FSCN2: variants seen among roughly 807,000 people sequenced by gnomAD.
FSCN2 encodes fascin actin-bundling protein 2, retinal, also known as fascin-2.
In FSCN2, 46 loss-of-function variants were observed where a neutral mutation model predicts 37.8. The ratio of observed to expected loss-of-function variants is 1.22; its 90% confidence interval spans 0.96 to 1.56. FSCN2 has a LOEUF of 1.56. Among genes scored for constraint, FSCN2 ranks in the 40% most tolerant of loss-of-function variants. The pLI, the probability that FSCN2 is intolerant of heterozygous loss-of-function variation, is 0.00. For missense variants in FSCN2, 844 were observed against 730.4 expected, an observed-to-expected ratio of 1.16 and a Z score of -1.79; for synonymous variants, 351 against 309.4, an observed-to-expected ratio of 1.13 and a Z score of -1.41.
chr17:81,537,105 C>T lies in FSCN2; in HGVS notation c.*25C>T, dbSNP rs1442636432. On this transcript the variant is annotated 3_prime_UTR_variant, in exon 5 of 5. Coordinates refer to ENST00000417245, the MANE Select transcript of FSCN2 (RefSeq NM_012418.4). ...AGGCCGCGCCCAGACCAGCCTGTCG[C>T]GCATTAAAACCGTGTCTCTCCCGCA... 37 of 1,384,226 alleles carry T rather than the reference C, an allele frequency of 2.7e-5. No homozygotes were observed. The highest frequency in any genetic ancestry group is 3.7e-5 in the Admixed American group (1 of 27,252). The allele number at this position is 1,384,226 out of a possible 1,614,324, so 85.7% of individuals were successfully genotyped here.
chr17:81,532,161 A>ATGGTGATGGTGG (rs1310608016), intron 1 of FSCN2, among the ~76,000 whole-genome samples: 22 of 72,118 alleles, frequency 3.1e-4, no homozygotes, highest in African/African-American at 1.3e-3. Flanking sequence ...GGTGATGATG[A>ATGGTGATGGTGG]TGGTGATGGT....
chr17:81,517,755 C>A, the FSCN2 span, among the ~76,000 whole-genome samples: 1 of 126,786 alleles, frequency 7.9e-6, no homozygotes, highest in East Asian at 2.8e-4. Flanking sequence ...CCAGGAGCTC[C>A]GGCCGCCCCC....
chr17:81,528,201 C>G (rs536158652), upstream of FSCN2, among the ~76,000 whole-genome samples: 4 of 152,292 alleles, frequency 2.6e-5, no homozygotes, highest in East Asian at 7.7e-4. Flanking sequence ...CCTCCAGCCC[C>G]GTAGGCCCTC....
At chr17:81,523,102 C>G in the FSCN2 span, among the ~76,000 whole-genome samples, 1 of 152,238 alleles carries the variant, frequency 6.6e-6, no homozygotes, top group Non-Finnish European at 1.5e-5. Flanking sequence ...TATGATTTCA[C>G]AGAAGACAAA....
chr17:81,523,985 C>T, upstream of FSCN2: 1 of 152,322 alleles, frequency 6.6e-6, no homozygotes, highest in Non-Finnish European at 1.5e-5. Context: ...CTCAAGCATC[C>T]AGGATCAGTG....
the FSCN2 span, among the ~76,000 whole-genome samples, chr17:81,520,085 G>A: frequency 5.3e-4 from 80 of 152,336 alleles, no homozygotes; most frequent in Admixed American, 1.2e-3. Flanking sequence ...GGGCCAGGCC[G>A]TGGCAGGGGC....
chr17:81,515,532 G>A, the FSCN2 span, among the ~76,000 whole-genome samples: 1 of 152,228 alleles, frequency 6.6e-6, no homozygotes, highest in Admixed American at 6.5e-5. Flanking sequence ...TCTTATTTTA[G>A]TTTCGGCCCA....
rs782453610 is a variant in FSCN2 at position 81,529,116 on chromosome 17, C to T, written c.585C>T (p.Arg195=). Residue 195 remains arginine (R), a synonymous_variant, in exon 1 of 5, where the codon CGC becomes CGT. Coordinates refer to ENST00000417245, the MANE Select transcript of FSCN2 (RefSeq NM_012418.4). ...AGTCCTGTGACAGCCGCTACCTGCGCAGCGACGGCCGTCTGGTCTGGGAGC... is the reference window on the plus strand; with the variant it reads ...AGTCCTGTGACAGCCGCTACCTGCGTAGCGACGGCCGTCTGGTCTGGGAGC... ...CLKSCDSRYL[R]SDGRLVWEPE... The T allele has an allele frequency of 3.0e-5, 48 of 1,583,190 alleles. No homozygotes were observed. The Middle Eastern group carries it at 5.0e-4, about 16-fold the overall frequency.
chr17:81,528,588 CACTG>C lies in FSCN2; in HGVS notation c.60_63del (p.Asp21AlafsTer3). On this transcript the variant is annotated frameshift_variant, in exon 1 of 5. Transcript: ENST00000417245. LOFTEE classifies it high-confidence loss of function. Reference sequence around the variant, plus strand: ...AGATCCAGTTTGGCCTCGTCAACGACACTGACCGCTACCTGACAGCTGAGAGCTT... The same window carrying C: ...AGATCCAGTTTGGCCTCGTCAACGACACCGCTACCTGACAGCTGAGAGCTT... The C allele has an allele frequency of 3.1e-6, 5 of 1,609,196 alleles. No individual in the cohort carries two copies. Among genetic ancestry groups the C allele is most frequent in the Non-Finnish European group, 2.5e-6 (3 of 1,178,194 alleles).
chr17:81,530,652 G>C (rs1555671123), intron 1 of FSCN2: 2 of 507,514 alleles, frequency 3.9e-6, no homozygotes, highest in African/African-American at 3.9e-5. Flanking sequence ...TGCCCACCAA[G>C]CCCCCACCCT....
intron 2 of FSCN2, among the ~76,000 whole-genome samples, 178 bp downstream of exon 2, chr17:81,535,386 C>G (rs1388172507): frequency 7.2e-6 from 1 of 138,354 alleles, no homozygotes. Context: ...CATCGCCATC[C>G]CCATCCCCAT....
chr17:81,529,246 A>G lies in FSCN2; in HGVS notation c.715A>G (p.Lys239Glu), dbSNP rs1598570231. Residue 239 changes from lysine to glutamate, a missense_variant, in exon 1 of 5, where the codon AAG becomes GAG. Coordinates refer to ENST00000417245, the MANE Select transcript of FSCN2 (RefSeq NM_012418.4). ...ACCCGTGGGGCCCGCAGGCACCCTC[A>G]AGGCCGGCCGAAACACGCGACCTGG... ...LAPVGPAGTL[K>E]AGRNTRPGKD... The G allele has an allele frequency of 6.3e-7, 1 of 1,597,714 alleles. No homozygotes were observed. Among genetic ancestry groups the G allele is most frequent in the Non-Finnish European group, 8.5e-7 (1 of 1,170,416 alleles).
rs1338326712 is a variant in FSCN2, at chr17:81,528,627, G to A, written c.96G>A (p.Lys32=). ...RYLTAESFGF[K]VNASAPSLKR... Reference sequence around the variant, plus strand: ...TGACAGCTGAGAGCTTCGGCTTCAAGGTCAATGCCTCGGCACCCAGCCTCA... The same window carrying A: ...TGACAGCTGAGAGCTTCGGCTTCAAAGTCAATGCCTCGGCACCCAGCCTCA... Residue 32 remains lysine (K), a synonymous_variant, in exon 1 of 5, where the codon AAG becomes AAA. Coordinates refer to ENST00000417245, the MANE Select transcript of FSCN2 (RefSeq NM_012418.4). 3.7e-6 allele frequency: 6 copies of A among 1,606,446 alleles called. No homozygotes were observed. The highest frequency in any genetic ancestry group is 5.1e-6 in the Non-Finnish European group (6 of 1,177,058).
intron 1 of FSCN2, among the ~76,000 whole-genome samples, chr17:81,531,654 G>GTGATGA (rs1568077844): frequency 1.5e-4 from 18 of 123,668 alleles, no homozygotes; most frequent in African/African-American, 5.5e-4. Context: ...GGTGATGATA[G>GTGATGA]TGATGGTGAT....
chr17:81,530,150 G>T, intron 1 of FSCN2: 1 of 290,804 alleles, frequency 3.4e-6, no homozygotes, highest in African/African-American at 2.3e-5. Flanking sequence ...AGGAGCCCAG[G>T]GTAGGGCAGG....
At chr17:81,531,327 G>GTGA (rs1568077151) in intron 1 of FSCN2, among the ~76,000 whole-genome samples, 21 of 103,872 alleles carry the variant, frequency 2.0e-4, no homozygotes, top group East Asian at 1.1e-3. Context: ...GATGATGGTG[G>GTGA]TGGTGGTGAT....
Position 81,536,780 on chromosome 17 carries a change from C to A in FSCN2, c.1264C>A (p.Arg422=), listed in dbSNP as rs527747924. The change falls in exon 4 of 5, where the codon CGG becomes AGG. Residue 422 remains arginine (R), a synonymous_variant. Transcript: ENST00000417245. The part of the protein sequence containing the change: ...FHLSFSDGAY[R]IRGRDGGFWY... ...CCTGAGCTTCAGCGACGGCGCCTAC[C>A]GGATCCGAGGTGCGTGGCGGGGCGG... 12 of 1,598,126 alleles carry A rather than the reference C, an allele frequency of 7.5e-6. No homozygotes were observed. Among genetic ancestry groups the A allele is most frequent in the Middle Eastern group, 1.7e-4 (1 of 6,042 alleles).
rs752157351 is a variant in FSCN2, at chr17:81,536,605, G to A, written c.1106-17G>A. ...AGGTGGCGGGAGGGGCAGCGCAGCA[G>A]ACGCTCTCCCCGCCAGGCAAGGACG... On this transcript the variant is annotated splice_polypyrimidine_tract_variant and intron_variant, in intron 3 of 4. Coordinates refer to ENST00000417245, the MANE Select transcript of FSCN2 (RefSeq NM_012418.4). 3.5e-5 allele frequency: 57 copies of A among 1,606,696 alleles called. No homozygotes were observed. Among genetic ancestry groups the A allele is most frequent in the Non-Finnish European group, 4.6e-5 (54 of 1,179,548 alleles).
At chr17:81,529,644 A>T in intron 1 of FSCN2, 1 of 662,944 alleles carries the variant, frequency 1.5e-6, no homozygotes, top group South Asian at 1.4e-5. Context: ...AGCCCTGGGC[A>T]GCTGCGGAGT....
Sources: gnomAD v4.1 joint callset for allele counts (sites outside exome capture counted in the v4.1 genomes callset) on GRCh38, gnomAD v4.1.1 for gene constraint, MANE v1.5 for transcripts, NCBI Gene and HGNC (gene_info 2026-07-23, HGNC 2026-07-21) for gene names.